SIAH2: variants seen among roughly 807,000 people sequenced by gnomAD.
SIAH2 encodes E3 ubiquitin-protein ligase SIAH2.
Under a neutral mutation model 20.4 loss-of-function variants are expected in SIAH2, and 4 were observed. The ratio of observed to expected loss-of-function variants is 0.20; its 90% CI spans 0.10 to 0.45. The LOEUF is 0.45. Among genes scored for constraint, SIAH2 ranks in the 20% least tolerant of loss-of-function variants. The pLI, the probability that SIAH2 is intolerant of heterozygous loss-of-function variation, is 0.99. For missense variants in SIAH2, 259 were observed against 440.3 expected (o/e 0.59, Z 3.69); for synonymous variants, 171 against 192.5 (o/e 0.89, Z 0.93).
In SIAH2 at chr3:150,762,814, A is replaced by T; in HGVS notation, c.36T>A (p.Asn12Lys). 1 of 1,222,330 alleles carries T rather than the reference A, an allele frequency of 8.2e-7. No homozygotes were observed. Among genetic ancestry groups the T allele is most frequent in the Non-Finnish European group, 1.0e-6 (1 of 968,120 alleles). 75.7% of individuals were successfully genotyped at this position (1,222,330 alleles called of 1,614,324 possible). A position where few individuals can be genotyped will look rare whatever the true frequency, so the allele number is the denominator to read the frequency against. The change falls in exon 1 of 2, where the codon AAT (asparagine) becomes AAA (lysine). Residue 12 changes from asparagine (N) to lysine (K), a missense_variant. Transcript: ENST00000312960. This position sits in a 1 kb window ranked among gnomAD's most constrained non-coding sequence, Gnocchi z 6.6. ...SRPSSTGPSANKPCSKQPPPQ... is the reference protein window; with the variant it reads ...SRPSSTGPSAKKPCSKQPPPQ... ...GCGGCGGCTGCTTGCTGCAGGGTTT[A>T]TTAGCGCTGGGGCCGGTGGAGGACG... is the stretch of plus-strand genomic sequence containing the variant.
intron 1 of SIAH2, among the ~76,000 whole-genome samples, chr3:150,751,781 A>T (rs533328237): frequency 1.5e-3 from 222 of 152,096 alleles, no homozygotes; most frequent in African/African-American, 5.2e-3. Context: ...CTGATCTCAA[A>T]CTCCTAGCCT....
intron 1 of SIAH2, among the ~76,000 whole-genome samples, chr3:150,759,472 T>G (rs1489762740): frequency 3.3e-5 from 5 of 152,196 alleles, no homozygotes; most frequent in Non-Finnish European, 5.9e-5. Flanking sequence ...GCCCATCTGG[T>G]GAACTCATCC....
chr3:150,757,913 C>A (rs909054012), intron 1 of SIAH2, among the ~76,000 whole-genome samples: 20 of 152,116 alleles, frequency 1.3e-4, no homozygotes, highest in Non-Finnish European at 2.4e-4. Flanking sequence ...CACCAATCAG[C>A]CAGAGGTGAG....
At chr3:150,755,834 T>C (rs1187491629) in intron 1 of SIAH2, among the ~76,000 whole-genome samples, 1 of 151,894 alleles carries the variant, frequency 6.6e-6, no homozygotes, top group African/African-American at 2.4e-5. Context: ...GTATTTTTAG[T>C]AGAGACGGGG....
chr3:150,755,236 G>T (rs1280086083), intron 1 of SIAH2, among the ~76,000 whole-genome samples: 1 of 150,678 alleles, frequency 6.6e-6, no homozygotes, highest in African/African-American at 2.4e-5. Context: ...GGGACCCAAA[G>T]ATACTATCTT....
chr3:150,755,467 A>G (rs1235281840), intron 1 of SIAH2, among the ~76,000 whole-genome samples: 1 of 150,342 alleles, frequency 6.7e-6, no homozygotes, highest in Non-Finnish European at 1.5e-5. Flanking sequence ...AGTAGCTGGG[A>G]GTATAGACAC....
chr3:150,758,149 TTTATG>T (rs1202059699), intron 1 of SIAH2, among the ~76,000 whole-genome samples: 1 of 152,182 alleles, frequency 6.6e-6, no homozygotes, highest in Non-Finnish European at 1.5e-5. Flanking sequence ...CTTACTTGGT[TTTATG>T]TTATTTTTTA....
At chr3:150,744,070 A>C (rs1714159300) in intron 1 of SIAH2, among the ~76,000 whole-genome samples, 1 of 152,108 alleles carries the variant, frequency 6.6e-6, no homozygotes, top group African/African-American at 2.4e-5. Flanking sequence ...GCTTTATAGA[A>C]TAATCCCCCT....
At chr3:150,754,128 C>T (rs764399252) in intron 1 of SIAH2, among the ~76,000 whole-genome samples, 1 of 152,148 alleles carries the variant, frequency 6.6e-6, no homozygotes, top group Non-Finnish European at 1.5e-5. Context: ...ACAGTGTAGA[C>T]AATAGGATTC....
intron 1 of SIAH2, among the ~76,000 whole-genome samples, chr3:150,760,083 G>A (rs1338742503): frequency 6.6e-6 from 1 of 152,282 alleles, no homozygotes; most frequent in South Asian, 2.1e-4. Flanking sequence ...TTTGATACAG[G>A]CCTTACGGCT....
chr3:150,753,046 G>A (rs1714405091), intron 1 of SIAH2, among the ~76,000 whole-genome samples: 1 of 152,302 alleles, frequency 6.6e-6, no homozygotes, highest in East Asian at 1.9e-4. Context: ...GCCTCCTTAT[G>A]AGCTTCCATC....
In SIAH2 at chr3:150,756,743, A is replaced by C. The variant is rs1484320966; in HGVS notation, c.417+5690T>G. On this transcript the variant is annotated intron_variant, in intron 1 of 1. Transcript: ENST00000312960. ...GTATTCTAATGCTTCTGCTTTATACAAAAAGTAAACTACAACGAAAGGTGT... is the reference window on the plus strand; with the variant it reads ...GTATTCTAATGCTTCTGCTTTATACCAAAAGTAAACTACAACGAAAGGTGT... Among the ~76,000 whole-genome samples the C allele has an allele frequency of 2.6e-5, 4 of 152,208 alleles. No individual in the cohort carries two copies. The East Asian group carries it at 5.8e-4, about 22-fold the overall frequency.
At chr3:150,744,262 G>GA (rs1437077712) in intron 1 of SIAH2, among the ~76,000 whole-genome samples, 2 of 152,194 alleles carry the variant, frequency 1.3e-5, no homozygotes. Context: ...AATCGGAAAG[G>GA]AGAGTGGCTT....
In SIAH2 at chr3:150,741,387, C is replaced by T. The variant is rs1714082827; in HGVS notation, c.*754G>A. Reference sequence around the variant, plus strand: ...ATGACTTGCTTTCCTAGGCAATCCACCCAAAACATAGGTGAGTGGCCAAAT... The same window carrying T: ...ATGACTTGCTTTCCTAGGCAATCCATCCAAAACATAGGTGAGTGGCCAAAT... On this transcript the variant is annotated 3_prime_UTR_variant, in exon 2 of 2. Coordinates refer to ENST00000312960, the MANE Select transcript of SIAH2 (RefSeq NM_005067.7). The T allele has an allele frequency of 6.6e-6, 1 of 152,610 alleles. No individual in the cohort carries two copies. Among genetic ancestry groups the T allele is most frequent in the Non-Finnish European group, 1.5e-5 (1 of 68,058 alleles). 9.5% of individuals were successfully genotyped at this position (152,610 alleles called of 1,614,324 possible).
chr3:150,749,095 G>A (rs1714292530), intron 1 of SIAH2, among the ~76,000 whole-genome samples: 1 of 152,186 alleles, frequency 6.6e-6, no homozygotes, highest in South Asian at 2.1e-4. Flanking sequence ...CAGCACAAAT[G>A]ATAAAGCAAC....
chr3:150,741,912 T>C lies in SIAH2; in HGVS notation c.*229A>G. Reference sequence around the variant, plus strand: ...GGGAGTAAATACAATTCAATAAGAGTTGTTTTAGATCACAGAACAGCATCC... The same window carrying C: ...GGGAGTAAATACAATTCAATAAGAGCTGTTTTAGATCACAGAACAGCATCC... On this transcript the variant is annotated 3_prime_UTR_variant, in exon 2 of 2. Coordinates refer to ENST00000312960, the MANE Select transcript of SIAH2 (RefSeq NM_005067.7). 1.9e-6 allele frequency: 1 copy of C among 525,906 alleles called. No individual in the cohort carries two copies. 32.6% of individuals were successfully genotyped at this position (525,906 alleles called of 1,614,324 possible). A position where few individuals can be genotyped will look rare whatever the true frequency, so the allele number is the denominator to read the frequency against.
In SIAH2 at chr3:150,762,523, G is replaced by C. The variant is rs1384029387; in HGVS notation, c.327C>G (p.Ser109Arg). 3.1e-6 allele frequency: 5 copies of C among 1,613,626 alleles called. No homozygotes were observed. The highest frequency in any genetic ancestry group is 1.7e-5 in the Admixed American group (1 of 60,024). Residue 109 changes from serine to arginine, a missense_variant, in exon 1 of 2, where the codon AGC (serine) becomes AGG (arginine). Physicochemically the swap from Ser to Arg is moderately radical, Grantham distance 110 (BLOSUM62 -1). Transcript: ENST00000312960. This position sits in a 1 kb window ranked among gnomAD's most constrained non-coding sequence, Gnocchi z 6.6. ...LVCNQCRQKL[S>R]CCPTCRGALT... Reference sequence around the variant, plus strand: ...GGGCGCCCCTGCACGTCGGGCAGCAGCTCAACTTCTGGCGGCATTGGTTAC... The same window carrying C: ...GGGCGCCCCTGCACGTCGGGCAGCACCTCAACTTCTGGCGGCATTGGTTAC...
rs1356840375 is a variant in SIAH2, at chr3:150,763,029, T to G, written c.-180A>C. On this transcript the variant is annotated 5_prime_UTR_variant, in exon 1 of 2. Coordinates refer to ENST00000312960, the MANE Select transcript of SIAH2 (RefSeq NM_005067.7). The surrounding 1 kb of genome is among the most constrained non-coding windows in gnomAD (Gnocchi z 4.1). ...GGAGGGCTGGACCGCGCTGATGCAC[T>G]CCGCAGCCCCCGGCGTTCCGAGCAC... 15 of 563,256 alleles carry G rather than the reference T, an allele frequency of 2.7e-5. No individual in the cohort carries two copies. The highest frequency in any genetic ancestry group is 3.5e-5 in the Non-Finnish European group (15 of 428,870). 34.9% of individuals were successfully genotyped at this position (563,256 alleles called of 1,614,324 possible). A position where few individuals can be genotyped will look rare whatever the true frequency, so the allele number is the denominator to read the frequency against.
chr3:150,746,514 A>G (rs575362489), intron 1 of SIAH2, among the ~76,000 whole-genome samples: 8 of 152,270 alleles, frequency 5.3e-5, no homozygotes, highest in Non-Finnish European at 1.2e-4. Context: ...TTTGGACCTG[A>G]TAATTCGTTG....
Sources: allele counts gnomAD v4.1 joint callset (sites outside exome capture counted in the v4.1 genomes callset), GRCh38; gene constraint gnomAD v4.1.1; non-coding constraint Gnocchi (gnomAD v3.1); transcripts MANE v1.5; gene names NCBI Gene and HGNC (gene_info 2026-07-23, HGNC 2026-07-21).